Variants in RPL7A observed in about 807,000 individuals in gnomAD.
RPL7A encodes large ribosomal subunit protein eL8.
For missense variants in RPL7A, 291 were observed against 338.2 expected, an observed-to-expected ratio of 0.86 and a Z score of 1.09; for synonymous variants, 158 against 128.2, an observed-to-expected ratio of 1.23 and a Z score of -1.57.
chr9:133,349,237 T>C, intron 2 of RPL7A, 195 bp downstream of exon 2: 1 of 753,016 alleles, frequency 1.3e-6, no homozygotes, highest in Admixed American at 2.1e-5. Flanking sequence ...TTCAGCTCAA[T>C]ATGGTAGTGG....
intron 2 of RPL7A, 164 bp from the exon 3 acceptor site, chr9:133,349,387 G>C: frequency 1.0e-6 from 1 of 963,850 alleles, no homozygotes; most frequent in Non-Finnish European, 1.7e-6. Flanking sequence ...TTGTTCTCAG[G>C]TGTTTGTGTG....
rs147852684 is a variant in RPL7A at position 133,350,695 on chromosome 9, C to T, written c.594C>T (p.Thr198=). ...TGGGACGTCTAGTCCACAGGAAGAC[C>T]TGCACCACTGTCGCCTTCACACAGG... ...ARLGRLVHRK[T]CTTVAFTQVN... is the part of the protein sequence containing the mutation. The change falls in exon 6 of 8, where the codon ACC becomes ACT. Residue 198 remains threonine (T), a synonymous_variant. Coordinates refer to ENST00000323345, the MANE Select transcript of RPL7A (RefSeq NM_000972.3). 1.4e-5 allele frequency: 23 copies of T among 1,614,058 alleles called. No individual in the cohort carries two copies. In the African/African-American group the frequency reaches 2.9e-4, roughly 21 times the overall value.
intron 2 of RPL7A, 41 bp downstream of exon 2, chr9:133,349,083 C>T (rs2129983424): frequency 1.2e-6 from 2 of 1,607,272 alleles, no homozygotes; most frequent in Admixed American, 1.7e-5. Flanking sequence ...CTATGTTTTT[C>T]TCAAGGGAAG....
rs1178168290 is a variant in RPL7A, at chr9:133,348,917, C to T, written c.4-5C>T. 1.9e-6 allele frequency: 3 copies of T among 1,613,736 alleles called. No individual in the cohort carries two copies. The highest frequency in any genetic ancestry group is 2.5e-6 in the Non-Finnish European group (3 of 1,179,906). ...CGGTTTAACTGACGTTTTCTTTCTG[C>T]CCAGCCGAAAGGAAAGAAGGCCAAG... On this transcript the variant is annotated splice_polypyrimidine_tract_variant and splice_region_variant and intron_variant, in intron 1 of 7. Transcript: ENST00000323345.
At position 133,348,261 on chromosome 9, in the gene RPL7A, G is replaced by A; in HGVS notation, c.3+15G>A. On this transcript the variant is annotated intron_variant, in intron 1 of 7. Transcript: ENST00000323345. ...CGCCCAAGATGGTGAGTGAGCTGTA[G>A]TTCCGTGGCACTATAGCCAGGTTCC... The A allele has an allele frequency of 6.2e-7, 1 of 1,614,080 alleles. No individual in the cohort carries two copies. The highest frequency in any genetic ancestry group is 8.5e-7 in the Non-Finnish European group (1 of 1,179,970).
chr9:133,348,393 AT>A, intron 1 of RPL7A, 147 bp downstream of exon 1: 1 of 1,135,356 alleles, frequency 8.8e-7, no homozygotes, highest in Non-Finnish European at 1.3e-6. Flanking sequence ...ACCGAGGTGG[AT>A]TAGAGCCCCA....
chr9:133,350,063 C>G lies in RPL7A; in HGVS notation c.415+11C>G. 1 of 1,613,848 alleles carries G rather than the reference C, an allele frequency of 6.2e-7. No individual in the cohort carries two copies. ...CTGTCCTTCGAGCAGGTGAGTAGGCCCCACCTTAGGGTGAACACTGGGGGC... is the reference window on the plus strand; with the variant it reads ...CTGTCCTTCGAGCAGGTGAGTAGGCGCCACCTTAGGGTGAACACTGGGGGC... On this transcript the variant is annotated intron_variant, in intron 4 of 7. Transcript: ENST00000323345.
rs2129997656 is a variant in RPL7A at position 133,351,014 on chromosome 9, C to T, written c.639C>T (p.Gly213=). 80 of 1,613,976 alleles carry T rather than the reference C, an allele frequency of 5.0e-5. No individual in the cohort carries two copies. Among genetic ancestry groups the T allele is most frequent in the Middle Eastern group, 3.3e-4 (2 of 6,084 alleles). The change falls in exon 7 of 8, where the codon GGC becomes GGT. Residue 213 remains glycine, a synonymous_variant. Transcript: ENST00000323345. The part of the protein sequence containing the change: ...AFTQVNSEDK[G]ALAKLVEAIR... ...TCCTGCCTTTTAGGGAAGACAAAGG[C>T]GCTTTGGCTAAGCTGGTGGAAGCTA...
chr9:133,350,080 A>C, intron 4 of RPL7A, 28 bp downstream of exon 4: 4 of 1,613,914 alleles, frequency 2.5e-6, no homozygotes, highest in Non-Finnish European at 3.4e-6. Context: ...TAGGGTGAAC[A>C]CTGGGGGCGG....
intron 5 of RPL7A, 117 bp from the exon 6 acceptor site, chr9:133,350,480 G>A (rs201548421): frequency 1.5e-5 from 24 of 1,562,972 alleles, no homozygotes; most frequent in Non-Finnish European, 2.0e-5. Context: ...ATCTCTCACT[G>A]AATTCAACCT....
Position 133,349,586 on chromosome 9 carries a change from T to A in RPL7A, c.160T>A (p.Phe54Ile). Residue 54 changes from phenylalanine to isoleucine, a missense_variant, in exon 3 of 8, where the codon TTT (phenylalanine) becomes ATT (isoleucine). Phe to Ile is a conservative substitution (Grantham distance 21). Transcript: ENST00000323345. ...CCAGCCCAAAAGAGACCTCACCCGC[T>A]TTGTGAAATGGCCCCGCTATATCAG... Reference protein sequence around the residue: ...DIQPKRDLTRFVKWPRYIRLQ... With the variant: ...DIQPKRDLTRIVKWPRYIRLQ... The A allele has an allele frequency of 6.2e-7, 1 of 1,614,054 alleles. No individual in the cohort carries two copies. Among genetic ancestry groups the A allele is most frequent in the Non-Finnish European group, 8.5e-7 (1 of 1,179,998 alleles).
chr9:133,348,643 T>C, intron 1 of RPL7A: 2 of 661,150 alleles, frequency 3.0e-6, no homozygotes, highest in Non-Finnish European at 5.6e-6. Context: ...AGAGGAGTCA[T>C]GAGTCCGGGG....
chr9:133,349,500 G>A lies in RPL7A; in HGVS notation c.125-51G>A, dbSNP rs2129986780. On this transcript the variant is annotated intron_variant, in intron 2 of 7. Coordinates refer to ENST00000323345, the MANE Select transcript of RPL7A (RefSeq NM_000972.3). ...CACCCTTCCTAGTGGCCCCAGACAT[G>A]AACTTGACATGGAATTTGAGCCTCA... 1.5e-5 allele frequency: 24 copies of A among 1,613,210 alleles called. No homozygotes were observed. In the South Asian group the frequency reaches 2.4e-4, roughly 16 times the overall value.
chr9:133,349,073 C>A (rs2129983242), intron 2 of RPL7A, 31 bp downstream of exon 2: 3 of 1,608,932 alleles, frequency 1.9e-6, no homozygotes, highest in African/African-American at 2.7e-5. Context: ...TGAAAACGGT[C>A]TATGTTTTTC....
chr9:133,350,572 G>T (rs2129994785), intron 5 of RPL7A, 25 bp from the exon 6 acceptor site: 1 of 1,614,122 alleles, frequency 6.2e-7, no homozygotes, highest in Middle Eastern at 1.6e-4. Flanking sequence ...TCAAAATACA[G>T]TCTTCAGCTA....
intron 4 of RPL7A, 75 bp from the exon 5 acceptor site, chr9:133,350,165 C>T (rs2129991832): frequency 6.2e-7 from 1 of 1,609,128 alleles, no homozygotes; most frequent in Non-Finnish European, 8.5e-7. Context: ...AACACTGAGT[C>T]AGCAGCTGAG....
chr9:133,349,976 A>G lies in RPL7A; in HGVS notation c.339A>G (p.Arg113=), dbSNP rs1428968892. The G allele has an allele frequency of 6.2e-7, 1 of 1,612,404 alleles. No individual in the cohort carries two copies. Among genetic ancestry groups the G allele is most frequent in the South Asian group, 1.1e-5 (1 of 91,016 alleles). ...AGACAAAGCAAGAGAAGAAGCAGAG[A>G]CTGTTGGCCCGGGCCGAGAAGAAGG... ...RPETKQEKKQ[R]LLARAEKKAA... Residue 113 remains arginine (R), a synonymous_variant, in exon 4 of 8, where the codon AGA becomes AGG. Transcript: ENST00000323345.
chr9:133,348,837 C>A lies in RPL7A; in HGVS notation c.4-85C>A, dbSNP rs2129981373. On this transcript the variant is annotated intron_variant, in intron 1 of 7. Coordinates refer to ENST00000323345, the MANE Select transcript of RPL7A (RefSeq NM_000972.3). ...GTTCAGGCAGGTGCTGTCAGCGTCC[C>A]TTGTTTTGGAGGAGCCAGCCTGAGC... 32 of 1,608,460 alleles carry A rather than the reference C, an allele frequency of 2.0e-5. No individual in the cohort carries two copies. The African/African-American group carries it at 4.1e-4, about 21-fold the overall frequency.
rs2129999532 is a variant in RPL7A, at chr9:133,351,332, C to G, written c.767C>G (p.Ala256Gly). The change falls in exon 8 of 8, where the codon GCA becomes GGA. Residue 256 changes from alanine to glycine, a missense_variant. Physicochemically the swap from Ala to Gly is moderately conservative, Grantham distance 60. Coordinates refer to ENST00000323345, the MANE Select transcript of RPL7A (RefSeq NM_000972.3). ...GCTCGTATCGCCAAGCTCGAAAAGG[C>G]AAAGGCTAAAGAACTTGCCACTAAA... ...SVARIAKLEK[A>G]KAKELATKLG 2 of 1,613,330 alleles carry G rather than the reference C, an allele frequency of 1.2e-6. No homozygotes were observed. Among genetic ancestry groups the G allele is most frequent in the Non-Finnish European group, 1.7e-6 (2 of 1,179,658 alleles).
Sources: allele counts gnomAD v4.1 joint callset, GRCh38; gene constraint gnomAD v4.1.1; transcripts MANE v1.5; gene names NCBI Gene and HGNC (gene_info 2026-07-23, HGNC 2026-07-21).